HHLA2: variants seen among roughly 807,000 people sequenced by gnomAD.
HHLA2 encodes the protein HERV-H LTR-associating protein 2.
In HHLA2, 48 loss-of-function variants were observed where a neutral mutation model predicts 45.9. The ratio of observed to expected loss-of-function variants is 1.05; its 90% CI spans 0.83 to 1.33. HHLA2 has a LOEUF of 1.33. HHLA2 is among the 40% of genes most tolerant of loss of function. The probability of loss-of-function intolerance (pLI) is 0.00; values close to 1 mark genes in which losing one functional copy is unlikely to be tolerated. For synonymous variants in HHLA2, 161 were observed against 173.9 expected (o/e 0.93, Z 0.59); for missense variants, 462 against 494.3 (o/e 0.93, Z 0.62).
chr3:108,355,072 T>C (rs766244979), intron 5 of HHLA2, 43 bp from the exon 5 acceptor site: 5 of 1,573,742 alleles, frequency 3.2e-6, no homozygotes. Context: ...ATAAAGAAGC[T>C]AATGATGGCA....
chr3:108,331,103 T>G (rs897492185), intron 3 of HHLA2, among the ~76,000 whole-genome samples: 19 of 152,108 alleles, frequency 1.2e-4, no homozygotes, highest in African/African-American at 4.6e-4. Context: ...TTCGAGAATA[T>G]GTCATCAAGC....
At chr3:108,356,509 T>TA (rs779936030) in intron 6 of HHLA2, among the ~76,000 whole-genome samples, 4 of 152,198 alleles carry the variant, frequency 2.6e-5, no homozygotes, top group Non-Finnish European at 5.9e-5. Context: ...AGTCCAGTGT[T>TA]AAAGGCATGA....
chr3:108,375,680 GGT>G (rs2082263840), intron 8 of HHLA2, 68 bp from the exon 8 acceptor site: 1 of 1,557,050 alleles, frequency 6.4e-7, no homozygotes, highest in Admixed American at 1.9e-5. Context: ...GCCATACCAA[GGT>G]GACCTTACAG....
chr3:108,352,864 C>T (rs2081805537), intron 4 of HHLA2, among the ~76,000 whole-genome samples: 1 of 152,194 alleles, frequency 6.6e-6, no homozygotes, highest in South Asian at 2.1e-4. Flanking sequence ...GAATGACTCT[C>T]TTTCCCTTTT....
chr3:108,377,225 C>A lies in HHLA2; in HGVS notation c.1225-33C>A, dbSNP rs774556856. 1.9e-5 allele frequency: 27 copies of A among 1,406,700 alleles called. No homozygotes were observed. In the South Asian group the frequency reaches 3.1e-4, roughly 16 times the overall value. 87.1% of individuals were successfully genotyped at this position (1,406,700 alleles called of 1,614,324 possible). A position where few individuals can be genotyped will look rare whatever the true frequency, so the allele number is the denominator to read the frequency against. On this transcript the variant is annotated intron_variant, in intron 10 of 10. Coordinates refer to ENST00000619531, the Ensembl canonical transcript of HHLA2. ...TAAATGGTTATTCTGACTTGAACAACAGACATTTAGAGTCTATTTTTCTTG... is the reference window on the plus strand; with the variant it reads ...TAAATGGTTATTCTGACTTGAACAAAAGACATTTAGAGTCTATTTTTCTTG...
chr3:108,372,622 G>A (rs1407653389), intron 8 of HHLA2, among the ~76,000 whole-genome samples: 8 of 152,006 alleles, frequency 5.3e-5, no homozygotes, highest in Non-Finnish European at 8.8e-5. Context: ...TCAAATAGAT[G>A]CAATAAAAAA....
intron 7 of HHLA2, among the ~76,000 whole-genome samples, chr3:108,361,080 G>T (rs915980738): frequency 6.6e-6 from 1 of 152,086 alleles, no homozygotes; most frequent in African/African-American, 2.4e-5. Context: ...AGGGTCTCTG[G>T]AGTCCCCATT....
At chr3:108,372,319 T>A (rs967459750) in intron 8 of HHLA2, among the ~76,000 whole-genome samples, 3 of 151,642 alleles carry the variant, frequency 2.0e-5, no homozygotes, top group Admixed American at 1.3e-4. Flanking sequence ...TGGGACACAT[T>A]CAAAGCAGTG....
At chr3:108,349,737 T>C (rs961624770) in intron 3 of HHLA2, among the ~76,000 whole-genome samples, 2 of 151,846 alleles carry the variant, frequency 1.3e-5, no homozygotes, top group Non-Finnish European at 2.9e-5. Context: ...ACAAAAAGAG[T>C]GCACCTAGAT....
chr3:108,363,463 TG>T (rs1420922955), intron 8 of HHLA2, among the ~76,000 whole-genome samples: 1 of 152,202 alleles, frequency 6.6e-6, no homozygotes, highest in Non-Finnish European at 1.5e-5. Context: ...GGTTGATATT[TG>T]GCTATTGCCC....
At chr3:108,328,503 T>C (rs1457201759) in intron 3 of HHLA2, among the ~76,000 whole-genome samples, 1 of 152,194 alleles carries the variant, frequency 6.6e-6, no homozygotes, top group Non-Finnish European at 1.5e-5. Flanking sequence ...TTATCCCTGT[T>C]ACTAGATGTG....
intron 6 of HHLA2, among the ~76,000 whole-genome samples, chr3:108,355,673 A>G (rs1022934206): frequency 6.6e-6 from 1 of 152,236 alleles, no homozygotes; most frequent in Non-Finnish European, 1.5e-5. Context: ...AAGCAAATCT[A>G]TTCTTGAATA....
chr3:108,368,569 A>AAAAAAAAAAAC (rs2082108495), intron 8 of HHLA2, among the ~76,000 whole-genome samples: 1 of 127,748 alleles, frequency 7.8e-6, no homozygotes, highest in African/African-American at 3.3e-5. Flanking sequence ...AAAAAAAAAA[A>AAAAAAAAAAAC]AGCAGGGGTT....
chr3:108,370,092 G>A (rs62266252), intron 8 of HHLA2, among the ~76,000 whole-genome samples: 2 of 152,088 alleles, frequency 1.3e-5, no homozygotes, highest in Admixed American at 6.5e-5. Context: ...TCACACGGCC[G>A]GGTACTCCTC....
intron 7 of HHLA2, among the ~76,000 whole-genome samples, chr3:108,361,048 AG>A (rs769920511): frequency 6.6e-6 from 1 of 152,166 alleles, no homozygotes; most frequent in Non-Finnish European, 1.5e-5. Context: ...TAAGGTTAGC[AG>A]GGTTCTGACT....
At chr3:108,351,688 A>T in intron 3 of HHLA2, 100 bp from the exon 3 acceptor site, 1 of 673,970 alleles carries the variant, frequency 1.5e-6, no homozygotes, top group Non-Finnish European at 2.5e-6. Flanking sequence ...TATTATATTT[A>T]ATGGCCACAA....
intron 8 of HHLA2, among the ~76,000 whole-genome samples, chr3:108,368,102 C>G (rs2082096794): frequency 6.6e-6 from 1 of 152,082 alleles, no homozygotes; most frequent in Non-Finnish European, 1.5e-5. Context: ...CATAACCAGC[C>G]AAATTAAGCT....
chr3:108,321,377 GT>G (rs1181339912), intron 2 of HHLA2, among the ~76,000 whole-genome samples: 24 of 152,250 alleles, frequency 1.6e-4, no homozygotes, highest in African/African-American at 5.8e-4. Context: ...CATTTATTTT[GT>G]TTTTGAGATA....
chr3:108,319,526 C>G (rs2081162646), intron 2 of HHLA2, among the ~76,000 whole-genome samples: 1 of 152,216 alleles, frequency 6.6e-6, no homozygotes, highest in South Asian at 2.1e-4. Flanking sequence ...AAATAATACA[C>G]ACACACACAT....
Sources: allele counts gnomAD v4.1 joint callset (sites outside exome capture counted in the v4.1 genomes callset), GRCh38; gene constraint gnomAD v4.1.1; transcripts MANE v1.5; gene names NCBI Gene and HGNC (gene_info 2026-07-23, HGNC 2026-07-21).